Variants in CACNA1D observed in about 807,000 individuals in gnomAD.
The protein encoded by CACNA1D is calcium voltage-gated channel subunit alpha1 D.
A neutral mutation model predicts 257.1 loss-of-function variants in CACNA1D; 55 were observed. That is an observed-to-expected ratio of 0.21 (90% CI 0.17 to 0.27). The LOEUF (loss-of-function observed/expected upper bound fraction) is 0.27, where lower values mean the gene tolerates loss of function less well. CACNA1D is among the 10% of genes least tolerant of loss of function. CACNA1D has a pLI of 1.00. For missense variants in CACNA1D, 1,876 were observed against 2,784.0 expected, an observed-to-expected ratio of 0.67 and a Z score of 7.34; for synonymous variants, 980 against 1,014.9, an observed-to-expected ratio of 0.97 and a Z score of 0.65.
intron 9 of CACNA1D, among the ~76,000 whole-genome samples, chr3:53,715,686 AAACTTAGATCTGGCC>A (rs1176648872): frequency 6.6e-6 from 1 of 152,322 alleles, no homozygotes; most frequent in East Asian, 1.9e-4. Context: ...ACGCGGGGTT[AAACTTAGATCTGGCC>A]AACCTGTGCA....
chr3:53,542,760 T>C (rs1054338597), intron 3 of CACNA1D, among the ~76,000 whole-genome samples: 2 of 152,044 alleles, frequency 1.3e-5, no homozygotes, highest in African/African-American at 4.8e-5. Context: ...AGGGGCTCTT[T>C]AAAGAAGGAG....
intron 22 of CACNA1D, among the ~76,000 whole-genome samples, chr3:53,743,484 G>A (rs1209180148): frequency 1.3e-5 from 2 of 152,208 alleles, no homozygotes; most frequent in Admixed American, 1.3e-4. Context: ...TTTTATATAG[G>A]AGGGGCTGGG....
At position 53,731,142 on chromosome 3, in the gene CACNA1D, A is replaced by T. The variant is rs757267401; in HGVS notation, c.2402A>T (p.Asn801Ile). ...GTCAACCAGATAGCCAACAGTGACA[A>T]CAAGGTATGTATTCTAAGATGCTTC... ...PEVNQIANSD[N>I]KVTIDDYREE... is the part of the protein sequence containing the mutation. The change falls in exon 17 of 48, where the codon AAC becomes ATC. Residue 801 changes from asparagine to isoleucine, a missense_variant. Physicochemically the swap from Asn to Ile is moderately radical, Grantham distance 149. Transcript: ENST00000350061. 5.6e-6 allele frequency: 9 copies of T among 1,602,130 alleles called. No individual in the cohort carries two copies. Among genetic ancestry groups the T allele is most frequent in the Non-Finnish European group, 7.7e-6 (9 of 1,169,092 alleles).
chr3:53,546,152 G>C (rs558801418), intron 3 of CACNA1D, among the ~76,000 whole-genome samples: 1 of 152,302 alleles, frequency 6.6e-6, no homozygotes, highest in East Asian at 1.9e-4. Flanking sequence ...CTTACTGGCT[G>C]CATGAGGGCT....
At chr3:53,523,526 G>T (rs781559667) in intron 3 of CACNA1D, among the ~76,000 whole-genome samples, 72 of 152,214 alleles carry the variant, frequency 4.7e-4, no homozygotes, top group Admixed American at 9.8e-4. Context: ...GGCATCCAGG[G>T]CCTCTGGCGC....
At chr3:53,790,852 T>C in intron 40 of CACNA1D, 2 of 645,722 alleles carry the variant, frequency 3.1e-6, no homozygotes, top group South Asian at 1.7e-5. Flanking sequence ...TTTTGTTTTG[T>C]TATTTTTTTA....
chr3:53,786,398 G>A lies in CACNA1D; in HGVS notation c.4793-424G>A, dbSNP rs528539557. On this transcript the variant is annotated intron_variant, in intron 39 of 47. Transcript: ENST00000350061. ...TATCTTGAGACATCGGGATTTGGACGGTTAATTGCCCTTGATAAGTTTATG... is the reference window on the plus strand; with the variant it reads ...TATCTTGAGACATCGGGATTTGGACAGTTAATTGCCCTTGATAAGTTTATG... 35 of 190,374 alleles carry A rather than the reference G, an allele frequency of 1.8e-4. No homozygotes were observed. The South Asian group carries it at 2.9e-3, about 16-fold the overall frequency. 11.8% of individuals were successfully genotyped at this position (190,374 alleles called of 1,614,324 possible).
In CACNA1D at chr3:53,786,905, G is replaced by A. The variant is rs955370174; in HGVS notation, c.4876G>A (p.Gly1626Arg). 13 of 1,614,034 alleles carry A rather than the reference G, an allele frequency of 8.1e-6. No individual in the cohort carries two copies. The highest frequency in any genetic ancestry group is 1.1e-5 in the Non-Finnish European group (13 of 1,179,896). The part of the protein sequence containing the change: ...FRKFKKRKEQ[G>R]LVGKYPAKNT... ...GAAATTCAAGAAACGGAAAGAACAAGGACTGGTGGGAAAGTACCCTGCGAA... is the reference window on the plus strand; with the variant it reads ...GAAATTCAAGAAACGGAAAGAACAAAGACTGGTGGGAAAGTACCCTGCGAA... The change falls in exon 40 of 48, where the codon GGA (glycine) becomes AGA (arginine). Residue 1626 changes from glycine (G) to arginine (R), a missense_variant. Gly to Arg is a moderately radical substitution (Grantham distance 125). Transcript: ENST00000350061.
intron 30 of CACNA1D, among the ~76,000 whole-genome samples, chr3:53,767,291 G>A (rs144925615): frequency 1.3e-3 from 205 of 152,228 alleles, no homozygotes; most frequent in African/African-American, 4.6e-3. Flanking sequence ...GAGGTCTGGC[G>A]CAGTGGCTCA....
chr3:53,737,556 C>T (rs1340689209), intron 20 of CACNA1D, among the ~76,000 whole-genome samples: 1 of 152,082 alleles, frequency 6.6e-6, no homozygotes, highest in Non-Finnish European at 1.5e-5. Flanking sequence ...GGAGCAGTGG[C>T]TCATGCCTGT....
rs2094255881 is a variant in CACNA1D, at chr3:53,665,824, G to T, written c.919+12G>T. ...TTTTGCTGACTCAGGTGAGTAATGA[G>T]AATTGTAGCTAACTTAACTTTAAAA... On this transcript the variant is annotated intron_variant, in intron 6 of 47. Transcript: ENST00000350061. 2 of 1,608,668 alleles carry T rather than the reference G, an allele frequency of 1.2e-6. No individual in the cohort carries two copies. Among genetic ancestry groups the T allele is most frequent in the South Asian group, 1.1e-5 (1 of 90,094 alleles).
At chr3:53,498,284 C>T (rs1244648293) in intron 2 of CACNA1D, among the ~76,000 whole-genome samples, 1 of 152,066 alleles carries the variant, frequency 6.6e-6, no homozygotes, top group Non-Finnish European at 1.5e-5. Context: ...CTGGGTGTCT[C>T]CTTTGTATTT....
chr3:53,769,325 T>C (rs1462627429), intron 30 of CACNA1D, among the ~76,000 whole-genome samples: 3 of 152,212 alleles, frequency 2.0e-5, no homozygotes, highest in Non-Finnish European at 4.4e-5. Flanking sequence ...CAAAGACTCA[T>C]ACGGACCTGC....
intron 40 of CACNA1D, among the ~76,000 whole-genome samples, chr3:53,794,134 ATG>A (rs1376888453): frequency 1.3e-5 from 2 of 152,228 alleles, no homozygotes; most frequent in African/African-American, 4.8e-5. Flanking sequence ...AATAATAATT[ATG>A]TTCAGGAGTC....
chr3:53,659,244 G>GA (rs750737197), intron 4 of CACNA1D, among the ~76,000 whole-genome samples: 9 of 152,172 alleles, frequency 5.9e-5, no homozygotes, highest in Non-Finnish European at 1.2e-4. Flanking sequence ...CTGAGACTAG[G>GA]AAAAAATTTA....
chr3:53,607,207 A>G (rs962682439), intron 3 of CACNA1D, among the ~76,000 whole-genome samples: 1 of 152,184 alleles, frequency 6.6e-6, no homozygotes, highest in African/African-American at 2.4e-5. Context: ...TTGCTGGGCC[A>G]TATTGTATGT....
chr3:53,703,184 T>C (rs1015441064), intron 9 of CACNA1D, among the ~76,000 whole-genome samples: 33 of 152,182 alleles, frequency 2.2e-4, no homozygotes, highest in African/African-American at 8.0e-4. Flanking sequence ...GTGAACAGTG[T>C]TATTGGACAA....
In CACNA1D at chr3:53,673,658, G is replaced by A; in HGVS notation, c.1220+532G>A. 1.5e-6 allele frequency: 2 copies of A among 1,317,960 alleles called. No homozygotes were observed. The highest frequency in any genetic ancestry group is 2.2e-6 in the Non-Finnish European group (2 of 909,600). 81.6% of individuals were successfully genotyped at this position (1,317,960 alleles called of 1,614,324 possible). ...TGAGAGGTTTGGCAGCTGCAACTGGGGCTCTGCTCTTTAGTAAATGGATAA... is the reference window on the plus strand; with the variant it reads ...TGAGAGGTTTGGCAGCTGCAACTGGAGCTCTGCTCTTTAGTAAATGGATAA... On this transcript the variant is annotated intron_variant, in intron 8 of 47. Coordinates refer to ENST00000350061, the MANE Select transcript of CACNA1D (RefSeq NM_001128840.3). This position sits in a 1 kb window ranked among gnomAD's most constrained non-coding sequence, Gnocchi z 4.1.
chr3:53,724,894 A>T (rs764672991), intron 14 of CACNA1D, among the ~76,000 whole-genome samples: 6 of 152,106 alleles, frequency 3.9e-5, no homozygotes, highest in African/African-American at 1.4e-4. Flanking sequence ...ATTTTCAGGT[A>T]TATATAATCT....
Sources: allele counts gnomAD v4.1 joint callset (sites outside exome capture counted in the v4.1 genomes callset), GRCh38; gene constraint gnomAD v4.1.1; non-coding constraint Gnocchi (gnomAD v3.1); transcripts MANE v1.5; gene names NCBI Gene and HGNC (gene_info 2026-07-23, HGNC 2026-07-21).